Variants in CCSER1 observed in about 807,000 individuals in gnomAD.
The protein encoded by CCSER1 is serine-rich coiled-coil domain-containing protein 1.
A neutral mutation model predicts 82.0 loss-of-function variants in CCSER1; 41 were observed. The observed-to-expected ratio is 0.50, with a 90% confidence interval of 0.39 to 0.65. The LOEUF (loss-of-function observed/expected upper bound fraction) is 0.65. Among genes scored for constraint, CCSER1 ranks in the 30% least tolerant of loss-of-function variants. The pLI is 0.00. For missense variants in CCSER1, 1,119 were observed against 1,064.2 expected, an observed-to-expected ratio of 1.05 and a Z score of -0.72; for synonymous variants, 414 against 383.9, an observed-to-expected ratio of 1.08 and a Z score of -0.92.
At chr4:90,618,005 C>T (rs1026480261) in intron 5 of CCSER1, among the ~76,000 whole-genome samples, 4 of 151,926 alleles carry the variant, frequency 2.6e-5, no homozygotes, top group Admixed American at 2.6e-4. Context: ...GAATCCTTGA[C>T]TTGGTGTAAT....
intron 10 of CCSER1, among the ~76,000 whole-genome samples, chr4:91,469,358 A>G (rs1339779557): frequency 2.0e-5 from 3 of 152,202 alleles, no homozygotes; most frequent in Non-Finnish European, 4.4e-5. Context: ...CTCTAAGAAA[A>G]GGTGGACTAC....
intron 5 of CCSER1, among the ~76,000 whole-genome samples, chr4:90,561,921 C>T (rs1399503984): frequency 6.6e-6 from 1 of 152,056 alleles, no homozygotes; most frequent in Non-Finnish European, 1.5e-5. Context: ...GGAGTGGTAG[C>T]TCACACCTGT....
chr4:91,176,802 A>G (rs1434489209), intron 10 of CCSER1, among the ~76,000 whole-genome samples: 1 of 152,072 alleles, frequency 6.6e-6, no homozygotes, highest in Non-Finnish European at 1.5e-5. Flanking sequence ...CTAATTGAAT[A>G]CCCTTTATTT....
chr4:91,014,808 AT>A (rs1329471175), intron 9 of CCSER1, among the ~76,000 whole-genome samples: 1 of 152,158 alleles, frequency 6.6e-6, no homozygotes, highest in Non-Finnish European at 1.5e-5. Context: ...ATACTGTAAT[AT>A]TTTTTCTGTT....
At chr4:91,110,292 A>T (rs752438202) in intron 10 of CCSER1, among the ~76,000 whole-genome samples, 1 of 86,198 alleles carries the variant, frequency 1.2e-5, no homozygotes, top group African/African-American at 4.3e-5. Context: ...TTGTTTCTTC[A>T]CTAGGAAAAA....
intron 10 of CCSER1, among the ~76,000 whole-genome samples, chr4:91,374,393 CA>C (rs1750255244): frequency 6.6e-6 from 1 of 152,120 alleles, no homozygotes; most frequent in South Asian, 2.1e-4. Flanking sequence ...TTCTGAAAAT[CA>C]TAGGGCCATT....
intron 10 of CCSER1, among the ~76,000 whole-genome samples, chr4:91,092,702 C>T (rs1459430769): frequency 6.6e-6 from 1 of 152,188 alleles, no homozygotes; most frequent in African/African-American, 2.4e-5. Context: ...CATCTGGTAA[C>T]TGTATCCACC....
At chr4:91,594,282 T>C (rs1764414253) in intron 10 of CCSER1, among the ~76,000 whole-genome samples, 1 of 150,594 alleles carries the variant, frequency 6.6e-6, no homozygotes, top group African/African-American at 2.4e-5. Context: ...CATATATATA[T>C]ATATGTGTGT....
In CCSER1 at chr4:91,167,973, C is replaced by T. The variant is rs567346592; in HGVS notation, c.2217+81979C>T. 1.8e-3 allele frequency among the ~76,000 whole-genome samples: 266 copies of T among 146,806 alleles called. 3 individuals carry two copies. The highest frequency in any genetic ancestry group is 6.3e-3 in the African/African-American group (248 of 39,436). ...ACCACCCCGTCTGGGAAGTGGGGAGCGCCTCTGCCCGGCTGCCCCATTTGG... is the reference window on the plus strand; with the variant it reads ...ACCACCCCGTCTGGGAAGTGGGGAGTGCCTCTGCCCGGCTGCCCCATTTGG... On this transcript the variant is annotated intron_variant, in intron 10 of 10. Coordinates refer to ENST00000509176, the MANE Select transcript of CCSER1 (RefSeq NM_001145065.2).
At chr4:90,177,293 T>G (rs1417069943) in intron 1 of CCSER1, among the ~76,000 whole-genome samples, 2 of 152,108 alleles carry the variant, frequency 1.3e-5, no homozygotes, top group Non-Finnish European at 2.9e-5. Context: ...ACAGCTGATC[T>G]TTTCAATCTA....
At chr4:90,178,683 G>C (rs1198771041) in intron 1 of CCSER1, among the ~76,000 whole-genome samples, 1 of 152,052 alleles carries the variant, frequency 6.6e-6, no homozygotes, top group Non-Finnish European at 1.5e-5. Flanking sequence ...TGAATATGCT[G>C]GACTTTTGAA....
In CCSER1 at chr4:91,505,082, T is replaced by C. The variant is rs184344465; in HGVS notation, c.2218-93490T>C. ...TGCATGCATTAGCTATTTATCCTGA[T>C]GCTCTCCCTTCCCCTACCCCACTGA... On this transcript the variant is annotated intron_variant, in intron 10 of 10. Coordinates refer to ENST00000509176, the MANE Select transcript of CCSER1 (RefSeq NM_001145065.2). Among the ~76,000 whole-genome samples the C allele has an allele frequency of 2.0e-3, 308 of 152,280 alleles. 4 individuals carry two copies. The highest frequency in any genetic ancestry group is 7.0e-3 in the African/African-American group (292 of 41,558).
chr4:90,349,704 C>CTAAT (rs1332893328), intron 3 of CCSER1, among the ~76,000 whole-genome samples: 2 of 151,364 alleles, frequency 1.3e-5, no homozygotes, highest in Admixed American at 1.3e-4. Flanking sequence ...GTGTGAACCT[C>CTAAT]TAACAGTGCT....
At chr4:91,399,090 G>A (rs1752166181) in intron 10 of CCSER1, among the ~76,000 whole-genome samples, 2 of 151,774 alleles carry the variant, frequency 1.3e-5, no homozygotes, top group Admixed American at 6.6e-5. Flanking sequence ...GGGCAGAGAG[G>A]AACACCAAAA....
At chr4:90,202,379 T>C (rs1384264844) in intron 1 of CCSER1, among the ~76,000 whole-genome samples, 1 of 152,076 alleles carries the variant, frequency 6.6e-6, no homozygotes, top group Non-Finnish European at 1.5e-5. Context: ...ACTTTGGTAT[T>C]TTTAGTAGAG....
intron 1 of CCSER1, among the ~76,000 whole-genome samples, chr4:90,147,698 CA>C (rs1726074182): frequency 6.6e-6 from 1 of 151,874 alleles, no homozygotes; most frequent in Non-Finnish European, 1.5e-5. Flanking sequence ...TCCGTAAATA[CA>C]AACATTTGAA....
At chr4:91,566,972 G>A (rs909342964) in intron 10 of CCSER1, among the ~76,000 whole-genome samples, 4 of 151,910 alleles carry the variant, frequency 2.6e-5, no homozygotes, top group Non-Finnish European at 5.9e-5. Context: ...TCTTTCAGTT[G>A]TGAAGTTAGG....
chr4:91,007,606 T>C (rs1738626367), intron 9 of CCSER1, among the ~76,000 whole-genome samples: 1 of 151,964 alleles, frequency 6.6e-6, no homozygotes, highest in Non-Finnish European at 1.5e-5. Context: ...TTTTAATCTC[T>C]GGTTCTATTT....
At chr4:91,156,397 T>A (rs1482998940) in intron 10 of CCSER1, among the ~76,000 whole-genome samples, 3 of 151,692 alleles carry the variant, frequency 2.0e-5, no homozygotes, top group Admixed American at 6.6e-5. Flanking sequence ...TTTAAAAAAA[T>A]TTTACAACTG....
Sources: allele counts gnomAD v4.1 joint callset (sites outside exome capture counted in the v4.1 genomes callset), GRCh38; gene constraint gnomAD v4.1.1; transcripts MANE v1.5; gene names NCBI Gene and HGNC (gene_info 2026-07-23, HGNC 2026-07-21).